The following S100Z variants were observed in gnomAD, a reference collection of about 807,000 sequenced individuals.
The protein encoded by S100Z is S100 calcium binding protein Z.
S100Z carries 11 observed loss-of-function variants against 8.5 expected under a neutral mutation model. That is an observed-to-expected ratio of 1.30 (90% CI 0.82 to 2.15). S100Z has a LOEUF of 2.15. Ranked by LOEUF, S100Z falls within the 30% of genes most tolerant of loss-of-function variation. S100Z has a pLI of 0.00. For synonymous variants in S100Z, 34 were observed against 43.8 expected, an observed-to-expected ratio of 0.78 and a Z score of 0.89; for missense variants, 126 against 117.9, an observed-to-expected ratio of 1.07 and a Z score of -0.32.
At chr5:76,862,390 G>A (rs1188888402) in intron 1 of S100Z, among the ~76,000 whole-genome samples, 1 of 152,154 alleles carries the variant, frequency 6.6e-6, no homozygotes, top group Non-Finnish European at 1.5e-5. Flanking sequence ...TAACAAGATG[G>A]AAGTCTCCAC....
the S100Z span, among the ~76,000 whole-genome samples, chr5:76,940,018 A>T: frequency 6.6e-6 from 1 of 151,764 alleles, no homozygotes; most frequent in Non-Finnish European, 1.5e-5. Context: ...TTAGCTGGGC[A>T]TGGTGGCATA....
chr5:76,879,278 C>T (rs1315105581), intron 4 of S100Z, among the ~76,000 whole-genome samples: 2 of 152,136 alleles, frequency 1.3e-5, no homozygotes, highest in African/African-American at 2.4e-5. Flanking sequence ...TAGAAGGAGC[C>T]TGGGCATTGT....
At chr5:76,888,349 T>C (rs1290069000) in intron 4 of S100Z, among the ~76,000 whole-genome samples, 46 of 147,626 alleles carry the variant, frequency 3.1e-4, no homozygotes, top group African/African-American at 9.4e-4. Context: ...TTTTTTTTTT[T>C]CCTGGGAAAG....
chr5:76,875,890 C>T (rs1038098421), intron 3 of S100Z, among the ~76,000 whole-genome samples: 4 of 152,054 alleles, frequency 2.6e-5, no homozygotes, highest in African/African-American at 9.7e-5. Context: ...GGTACTTTAC[C>T]TTCAGAGGTG....
chr5:76,903,881 C>T (rs528033284), intron 4 of S100Z, among the ~76,000 whole-genome samples: 2 of 151,504 alleles, frequency 1.3e-5, no homozygotes, highest in South Asian at 4.2e-4. Context: ...CCCGCCACCA[C>T]GCCTGGCTAT....
chr5:76,851,436 G>A (rs547825304), intron 1 of S100Z, among the ~76,000 whole-genome samples: 13 of 152,196 alleles, frequency 8.5e-5, no homozygotes, highest in African/African-American at 2.9e-4. Flanking sequence ...AGTGACAAGG[G>A]CCTGAACTAT....
the S100Z span, among the ~76,000 whole-genome samples, chr5:76,931,074 T>A: frequency 2.6e-5 from 4 of 151,790 alleles, no homozygotes; most frequent in African/African-American, 7.3e-5. Flanking sequence ...GAGAAAGAGC[T>A]CTAGTCTCTC....
chr5:76,908,507 G>T (rs114077013), intron 4 of S100Z, among the ~76,000 whole-genome samples: 2 of 152,060 alleles, frequency 1.3e-5, no homozygotes, highest in Admixed American at 6.6e-5. Context: ...ATGATTTCTC[G>T]TATAAACTTC....
At chr5:76,857,883 T>C (rs2150621512) in intron 1 of S100Z, among the ~76,000 whole-genome samples, 1 of 152,320 alleles carries the variant, frequency 6.6e-6, no homozygotes, top group East Asian at 1.9e-4. Context: ...TTAATAAGTT[T>C]ATAATAAAAT....
At chr5:76,879,652 A>G (rs1344629258) in intron 4 of S100Z, among the ~76,000 whole-genome samples, 2 of 152,178 alleles carry the variant, frequency 1.3e-5, no homozygotes, top group Non-Finnish European at 2.9e-5. Flanking sequence ...ACAGGATTAG[A>G]GGAGGTCACT....
chr5:76,917,999 G>A (rs1348552155), intron 4 of S100Z, among the ~76,000 whole-genome samples: 1 of 152,128 alleles, frequency 6.6e-6, no homozygotes, highest in African/African-American at 2.4e-5. Flanking sequence ...TATCTGTGTA[G>A]TCTTTAGGGT....
At chr5:76,862,645 A>T (rs1472672005) in intron 1 of S100Z, among the ~76,000 whole-genome samples, 1 of 151,928 alleles carries the variant, frequency 6.6e-6, no homozygotes, top group Admixed American at 6.6e-5. Flanking sequence ...CTATAAATAT[A>T]AAAAAAATTA....
chr5:76,916,109 C>T (rs940339508), intron 4 of S100Z, among the ~76,000 whole-genome samples: 5 of 146,232 alleles, frequency 3.4e-5, no homozygotes, highest in East Asian at 4.0e-4. Context: ...TGCAGTGAGC[C>T]GAGATTGTGC....
downstream of S100Z, among the ~76,000 whole-genome samples, chr5:76,925,280 A>G (rs567034629): frequency 3.9e-5 from 6 of 152,280 alleles, no homozygotes; most frequent in South Asian, 6.2e-4. Flanking sequence ...CTAGCACTCT[A>G]TGGGAGGGGA....
intron 2 of S100Z, among the ~76,000 whole-genome samples, chr5:76,872,875 A>G (rs143098320): frequency 0.01 from 1,544 of 152,266 alleles, 23 homozygotes; most frequent in African/African-American, 0.035. Context: ...TGGGAGGCTG[A>G]GATGGAAGAA....
intron 4 of S100Z, among the ~76,000 whole-genome samples, chr5:76,920,368 C>G (rs1745000782): frequency 6.6e-6 from 1 of 152,146 alleles, no homozygotes; most frequent in Admixed American, 6.6e-5. Context: ...CCATTTATGG[C>G]TCTTTTTTGT....
intron 4 of S100Z, among the ~76,000 whole-genome samples, chr5:76,900,852 T>A (rs1156418349): frequency 3.9e-5 from 6 of 152,194 alleles, no homozygotes; most frequent in Non-Finnish European, 8.8e-5. Flanking sequence ...CTGTCTGGGC[T>A]TATTTGCAGC....
chr5:76,934,354 T>A, the S100Z span, among the ~76,000 whole-genome samples: 2 of 152,248 alleles, frequency 1.3e-5, no homozygotes, highest in African/African-American at 4.8e-5. Flanking sequence ...TACTTCATTC[T>A]TCTCTATTGA....
At chr5:76,889,133 T>C (rs142836525) in intron 4 of S100Z, among the ~76,000 whole-genome samples, 3 of 152,294 alleles carry the variant, frequency 2.0e-5, no homozygotes, top group African/African-American at 7.2e-5. Context: ...AACTGGCTGA[T>C]ATTACCTGAG....
Sources: gnomAD v4.1 joint callset for allele counts (sites outside exome capture counted in the v4.1 genomes callset) on GRCh38, gnomAD v4.1.1 for gene constraint, MANE v1.5 for transcripts, NCBI Gene and HGNC (gene_info 2026-07-23, HGNC 2026-07-21) for gene names.